UBXN4: variants seen among roughly 807,000 people sequenced by gnomAD.
UBXN4 encodes the protein UBX domain-containing protein 4.
In UBXN4, 35 loss-of-function variants were observed where a neutral mutation model predicts 66.2. The ratio of observed to expected loss-of-function variants is 0.53; its 90% CI spans 0.40 to 0.70. UBXN4 has a LOEUF of 0.70. Among genes scored for constraint, UBXN4 ranks in the 30% least tolerant of loss-of-function variants. The pLI, the probability that UBXN4 is intolerant of heterozygous loss-of-function variation, is 0.00. For synonymous variants in UBXN4, 203 were observed against 204.5 expected (o/e 0.99, Z 0.06); for missense variants, 533 against 599.8 (o/e 0.89, Z 1.16).
intron 2 of UBXN4, among the ~76,000 whole-genome samples, chr2:135,752,373 G>C (rs1167495849): frequency 1.3e-5 from 2 of 152,044 alleles, no homozygotes; most frequent in African/African-American, 2.4e-5. Flanking sequence ...GTAGAGACAG[G>C]GTTTCGCCAT....
intron 2 of UBXN4, among the ~76,000 whole-genome samples, chr2:135,748,951 A>G (rs2105491944): frequency 6.6e-6 from 1 of 151,100 alleles, no homozygotes; most frequent in Middle Eastern, 3.4e-3. Context: ...TAAGAGGATC[A>G]CTTGAGCCCA....
chr2:135,744,924 C>G (rs969245916), intron 1 of UBXN4, among the ~76,000 whole-genome samples: 1 of 152,204 alleles, frequency 6.6e-6, no homozygotes, highest in Non-Finnish European at 1.5e-5. Flanking sequence ...GCTGCTGCCA[C>G]CACTAGGCTG....
In UBXN4 at chr2:135,782,805, G is replaced by A; in HGVS notation, c.1445G>A (p.Gly482Glu). The stretch of plus-strand genomic sequence containing the variant: ...CGTGGAGACGACTTTAAAAAGGAGG[G>A]GAAAATTTATAGATTAAGGACTCAA... ...EKRGDDFKKE[G>E]KIYRLRTQDD... Residue 482 changes from glycine to glutamate, a missense_variant, in exon 13 of 13, where the codon GGG becomes GAG. This residue lies in a region of UBXN4 where 529 missense variants were observed against 580.1 expected (regional missense o/e 0.91). Coordinates refer to ENST00000272638, the MANE Select transcript of UBXN4 (RefSeq NM_014607.4). 2 of 1,613,706 alleles carry A rather than the reference G, an allele frequency of 1.2e-6. No homozygotes were observed. Among genetic ancestry groups the A allele is most frequent in the Non-Finnish European group, 1.7e-6 (2 of 1,179,868 alleles).
chr2:135,752,064 T>TC (rs2077245606), intron 2 of UBXN4, among the ~76,000 whole-genome samples: 1 of 151,824 alleles, frequency 6.6e-6, no homozygotes, highest in South Asian at 2.1e-4. Flanking sequence ...TTTCTTTTTT[T>TC]TGAGACAGAG....
intron 10 of UBXN4, among the ~76,000 whole-genome samples, chr2:135,777,986 G>C (rs942954548): frequency 6.7e-6 from 1 of 150,224 alleles, no homozygotes; most frequent in African/African-American, 2.5e-5. Flanking sequence ...GACCATCCTG[G>C]CTAACACGGT....
chr2:135,761,416 A>G (rs752986062), intron 5 of UBXN4, among the ~76,000 whole-genome samples: 1 of 93,698 alleles, frequency 1.1e-5, no homozygotes, highest in Non-Finnish European at 2.8e-5. Flanking sequence ...TACAACTAAA[A>G]TTTGTCCCTC....
intron 8 of UBXN4, among the ~76,000 whole-genome samples, chr2:135,771,729 A>G (rs1189523383): frequency 1.3e-5 from 2 of 151,968 alleles, no homozygotes; most frequent in Non-Finnish European, 2.9e-5. Context: ...TGCCCAGCTA[A>G]TTTTTGTATT....
rs1464521196 is a variant in UBXN4, at chr2:135,745,748, G to T, written c.83-2519G>T. Among the ~76,000 whole-genome samples the T allele has an allele frequency of 2.0e-5, 3 of 152,176 alleles. No individual in the cohort carries two copies. In the East Asian group the frequency reaches 5.8e-4, roughly 29 times the overall value. On this transcript the variant is annotated intron_variant, in intron 1 of 12. Transcript: ENST00000272638. Reference sequence around the variant, plus strand: ...TCCTCATCAGATGGTTTCTGAAGATGCATTTAGAGTGATCTCACTTGCAAA... The same window carrying T: ...TCCTCATCAGATGGTTTCTGAAGATTCATTTAGAGTGATCTCACTTGCAAA...
At chr2:135,745,292 C>G (rs944388701) in intron 1 of UBXN4, among the ~76,000 whole-genome samples, 3 of 152,168 alleles carry the variant, frequency 2.0e-5, no homozygotes, top group African/African-American at 7.2e-5. Flanking sequence ...CGTATTCCTT[C>G]TGCGTGGTGA....
chr2:135,780,221 C>T lies in UBXN4; in HGVS notation c.1224C>T (p.Ser408=), dbSNP rs759333333. The change falls in exon 12 of 13, where the codon AGC becomes AGT. Residue 408 remains serine (S), a synonymous_variant. Transcript: ENST00000272638. The stretch of plus-strand genomic sequence containing the variant: ...CTGCATCCATTGTACACTCTTCCAG[C>T]GGAGACATTTGGACCTTGTTGGGAA... ...RPTASIVHSS[S]GDIWTLLGTV... is the part of the protein sequence containing the mutation. 62 of 1,613,938 alleles carry T rather than the reference C, an allele frequency of 3.8e-5. No individual in the cohort carries two copies. The highest frequency in any genetic ancestry group is 4.7e-5 in the Non-Finnish European group (55 of 1,180,020).
intron 8 of UBXN4, among the ~76,000 whole-genome samples, 194 bp from the exon 9 acceptor site, chr2:135,772,226 G>T (rs1445420899): frequency 4.6e-5 from 7 of 152,132 alleles, no homozygotes; most frequent in Non-Finnish European, 1.0e-4. Flanking sequence ...GGAAGCTGAG[G>T]TGGGAGGATT....
intron 1 of UBXN4, among the ~76,000 whole-genome samples, chr2:135,746,882 C>CT (rs34311143): frequency 0.23 from 34,385 of 146,906 alleles, 4,222 homozygotes; most frequent in Middle Eastern, 0.57. Context: ...TTGATGTGAT[C>CT]TTTTTTTTTT....
At chr2:135,753,369 G>T (rs919149309) in intron 2 of UBXN4, among the ~76,000 whole-genome samples, 170 bp from the exon 3 acceptor site, 1 of 152,146 alleles carries the variant, frequency 6.6e-6, no homozygotes, top group African/African-American at 2.4e-5. Context: ...ACCAGAAAAA[G>T]TCTTAATGAA....
At chr2:135,757,730 G>C (rs1006795915) in intron 5 of UBXN4, among the ~76,000 whole-genome samples, 1 of 151,936 alleles carries the variant, frequency 6.6e-6, no homozygotes, top group African/African-American at 2.4e-5. Context: ...GCAAGCTCTG[G>C]CTTACCTGAG....
intron 6 of UBXN4, among the ~76,000 whole-genome samples, chr2:135,767,739 G>T (rs75223002): frequency 0.17 from 25,986 of 152,096 alleles, 2,533 homozygotes; most frequent in Middle Eastern, 0.38. Flanking sequence ...ATATGTCTTG[G>T]TGAACATGTG....
chr2:135,765,770 CT>C, intron 6 of UBXN4, among the ~76,000 whole-genome samples: 1 of 151,940 alleles, frequency 6.6e-6, no homozygotes, highest in Non-Finnish European at 1.5e-5. Context: ...TGAGCAGGGA[CT>C]CCATCCTAGG....
chr2:135,758,920 G>A (rs889042850), intron 5 of UBXN4, among the ~76,000 whole-genome samples: 5 of 151,868 alleles, frequency 3.3e-5, no homozygotes, highest in African/African-American at 4.8e-5. Flanking sequence ...CACCATGCCC[G>A]GCTAATTTTT....
chr2:135,750,364 A>C (rs1210898155), intron 2 of UBXN4, among the ~76,000 whole-genome samples: 2 of 152,102 alleles, frequency 1.3e-5, no homozygotes, highest in African/African-American at 4.8e-5. Context: ...TTTGAAAATC[A>C]CTGTCAAGAT....
At chr2:135,759,770 T>A (rs1203819950) in intron 5 of UBXN4, among the ~76,000 whole-genome samples, 1 of 140,064 alleles carries the variant, frequency 7.1e-6, no homozygotes, top group Non-Finnish European at 1.6e-5. Context: ...TCCAGAATTT[T>A]TTTTTTTTTT....
Sources: gnomAD v4.1 joint callset for allele counts (sites outside exome capture counted in the v4.1 genomes callset) on GRCh38, gnomAD v4.1.1 for gene constraint, gnomAD v4.1.1 regional missense constraint, MANE v1.5 for transcripts, NCBI Gene and HGNC (gene_info 2026-07-23, HGNC 2026-07-21) for gene names.